IMMP2L: variants seen among roughly 807,000 people sequenced by gnomAD.
IMMP2L encodes mitochondrial inner membrane protease subunit 2.
IMMP2L carries 18 observed loss-of-function variants against 19.3 expected under a neutral mutation model. The observed-to-expected ratio is 0.93, with a 90% CI of 0.64 to 1.38. IMMP2L has a LOEUF of 1.38. Ranked by LOEUF, IMMP2L falls within the 40% of genes most tolerant of loss-of-function variation. The probability of loss-of-function intolerance (pLI) is 0.00; values close to 1 mark genes in which losing one functional copy is unlikely to be tolerated. For missense variants in IMMP2L, 233 were observed against 218.2 expected, an observed-to-expected ratio of 1.07 and a Z score of -0.43; for synonymous variants, 76 against 73.0, an observed-to-expected ratio of 1.04 and a Z score of -0.21.
intron 2 of IMMP2L, among the ~76,000 whole-genome samples, chr7:111,510,579 G>A (rs2132557337): frequency 6.6e-6 from 1 of 152,094 alleles, no homozygotes; most frequent in Middle Eastern, 3.4e-3. Context: ...AACCAATCCA[G>A]AACCATACCT....
In IMMP2L at chr7:111,123,825, TG is replaced by T; in HGVS notation, c.240-160261del. 1.9e-6 allele frequency: 3 copies of T among 1,613,980 alleles called. No individual in the cohort carries two copies. The highest frequency in any genetic ancestry group is 2.5e-6 in the Non-Finnish European group (3 of 1,179,974). Reference sequence around the variant, plus strand: ...GCAATGCTCTCAGTGCCCTGTACCATGGTACCATTGAGTCTCTGCCAAACCT... The same window carrying T: ...GCAATGCTCTCAGTGCCCTGTACCATGTACCATTGAGTCTCTGCCAAACCT... On this transcript the variant is annotated intron_variant, in intron 3 of 5. Coordinates refer to ENST00000405709, the MANE Select transcript of IMMP2L (RefSeq NM_032549.4). The surrounding 1 kb of genome is among the most constrained non-coding windows in gnomAD (Gnocchi z 6.4).
chr7:111,558,799 G>A (rs1041892011), intron 1 of IMMP2L, among the ~76,000 whole-genome samples: 1 of 152,140 alleles, frequency 6.6e-6, no homozygotes, highest in African/African-American at 2.4e-5. Context: ...ATTTCCTGGG[G>A]TTCTGATCTG....
intron 3 of IMMP2L, among the ~76,000 whole-genome samples, chr7:111,066,539 C>T (rs1017348498): frequency 1.3e-5 from 2 of 152,110 alleles, no homozygotes; most frequent in Non-Finnish European, 2.9e-5. Context: ...TTCCAGGTAC[C>T]GCACTAGATG....
chr7:110,955,379 G>C (rs908305080), intron 4 of IMMP2L, among the ~76,000 whole-genome samples: 1 of 151,820 alleles, frequency 6.6e-6, no homozygotes, highest in East Asian at 1.9e-4. Context: ...ATAATTTCTA[G>C]AGGTAACATC....
chr7:111,025,068 C>T (rs1358938869), intron 3 of IMMP2L, among the ~76,000 whole-genome samples: 1 of 152,072 alleles, frequency 6.6e-6, no homozygotes, highest in African/African-American at 2.4e-5. Context: ...TCATTCCTTC[C>T]TTCACCTACT....
intron 5 of IMMP2L, among the ~76,000 whole-genome samples, chr7:110,672,982 A>G (rs1792028334): frequency 6.6e-6 from 1 of 152,176 alleles, no homozygotes; most frequent in African/African-American, 2.4e-5. Flanking sequence ...CAGTTCCACT[A>G]GGCAGTGCCC....
chr7:110,819,288 G>T (rs1802820317), intron 5 of IMMP2L, among the ~76,000 whole-genome samples: 1 of 151,928 alleles, frequency 6.6e-6, no homozygotes, highest in Admixed American at 6.6e-5. Flanking sequence ...TAGTGTTTGG[G>T]GAGGTTCGGA....
intron 3 of IMMP2L, among the ~76,000 whole-genome samples, chr7:111,088,460 TGAAG>T (rs1796542973): frequency 6.8e-6 from 1 of 147,332 alleles, no homozygotes; most frequent in Non-Finnish European, 1.5e-5. Context: ...TAAAAAAAAA[TGAAG>T]GGAGAGAAGG....
chr7:111,216,268 C>G (rs1811911535), intron 3 of IMMP2L, among the ~76,000 whole-genome samples: 1 of 152,130 alleles, frequency 6.6e-6, no homozygotes, highest in Admixed American at 6.5e-5. Context: ...CCCTGTCAAG[C>G]TGGATAGCAA....
At chr7:111,517,884 A>G (rs1355974946) in intron 2 of IMMP2L, among the ~76,000 whole-genome samples, 2 of 152,122 alleles carry the variant, frequency 1.3e-5, no homozygotes, top group African/African-American at 4.8e-5. Flanking sequence ...ATAATCATTA[A>G]CCAACAATTT....
In IMMP2L at chr7:111,539,192, G is replaced by A. The variant is rs1848223102; in HGVS notation, c.-2-17743C>T. On this transcript the variant is annotated intron_variant, in intron 1 of 5. Coordinates refer to ENST00000405709, the MANE Select transcript of IMMP2L (RefSeq NM_032549.4). The stretch of plus-strand genomic sequence containing the variant: ...GGAAGGAAGGAAGGAAGGAAGGAAG[G>A]AGGGAGAAAGAAAGAAAGAAAGAAA... 1.5e-4 allele frequency among the ~76,000 whole-genome samples: 3 copies of A among 19,834 alleles called. 1 individual carries two copies. Among genetic ancestry groups the A allele is most frequent in the African/African-American group, 5.1e-4 (3 of 5,850 alleles). The allele number at this position is 19,834 out of a possible 152,430, so 13.0% of individuals were successfully genotyped here.
chr7:111,160,325 CCACT>C (rs1462795715), intron 3 of IMMP2L, among the ~76,000 whole-genome samples: 3 of 151,806 alleles, frequency 2.0e-5, no homozygotes, highest in Non-Finnish European at 2.9e-5. Context: ...AGGATAAATC[CCACT>C]AACAAACCTT....
At chr7:111,542,064 T>G (rs934952289) in intron 1 of IMMP2L, among the ~76,000 whole-genome samples, 4 of 152,102 alleles carry the variant, frequency 2.6e-5, no homozygotes, top group African/African-American at 4.8e-5. Context: ...TCGTATATTT[T>G]GGATATTAAC....
intron 3 of IMMP2L, among the ~76,000 whole-genome samples, chr7:111,046,733 A>G (rs903239296): frequency 4.6e-5 from 7 of 152,188 alleles, no homozygotes; most frequent in African/African-American, 1.4e-4. Flanking sequence ...ATGTCCATAT[A>G]TACCAAAGAA....
At chr7:111,004,834 C>A (rs528767301) in intron 3 of IMMP2L, among the ~76,000 whole-genome samples, 1 of 151,750 alleles carries the variant, frequency 6.6e-6, no homozygotes, top group Non-Finnish European at 1.5e-5. Flanking sequence ...AATAAATCCA[C>A]TAATAAAATA....
chr7:111,170,538 C>T (rs1203837059), intron 3 of IMMP2L, among the ~76,000 whole-genome samples: 2 of 151,714 alleles, frequency 1.3e-5, no homozygotes, highest in Admixed American at 1.3e-4. Context: ...GCAGTCATTT[C>T]CAGAAGAAAT....
At chr7:110,979,576 C>T (rs557717135) in intron 3 of IMMP2L, among the ~76,000 whole-genome samples, 5 of 151,992 alleles carry the variant, frequency 3.3e-5, no homozygotes, top group Non-Finnish European at 5.9e-5. Flanking sequence ...TTGGGTGTGA[C>T]CAACATGGCA....
At chr7:111,192,541 A>T (rs937793332) in intron 3 of IMMP2L, among the ~76,000 whole-genome samples, 4 of 152,154 alleles carry the variant, frequency 2.6e-5, no homozygotes, top group African/African-American at 9.7e-5. Flanking sequence ...AAATTAAGTG[A>T]ATTTGTTTAT....
intron 5 of IMMP2L, among the ~76,000 whole-genome samples, chr7:110,722,265 G>T (rs1337118536): frequency 6.6e-6 from 1 of 152,134 alleles, no homozygotes; most frequent in Non-Finnish European, 1.5e-5. Flanking sequence ...AGTGGGAACA[G>T]TACTGAGGGT....
Sources: gnomAD v4.1 joint callset for allele counts (sites outside exome capture counted in the v4.1 genomes callset) on GRCh38, gnomAD v4.1.1 for gene constraint, Gnocchi (gnomAD v3.1) non-coding constraint, MANE v1.5 for transcripts, NCBI Gene and HGNC (gene_info 2026-07-23, HGNC 2026-07-21) for gene names.